Variants in ADGRF1 observed in about 807,000 individuals in gnomAD.
ADGRF1 encodes G protein-coupled receptor 110.
ADGRF1 carries 85 observed loss-of-function variants against 87.2 expected under a neutral mutation model. The ratio of observed to expected loss-of-function variants is 0.97; its 90% CI spans 0.82 to 1.17. ADGRF1 has a LOEUF of 1.17. ADGRF1 is among the 50% of genes most tolerant of loss of function. The pLI is 0.00. For missense variants in ADGRF1, 1,169 were observed against 1,077.2 expected (o/e 1.09, Z -1.19); for synonymous variants, 430 against 408.8 (o/e 1.05, Z -0.63).
intron 8 of ADGRF1, among the ~76,000 whole-genome samples, chr6:47,016,283 A>C (rs1046182769): frequency 2.0e-5 from 3 of 152,042 alleles, no homozygotes; most frequent in Admixed American, 2.0e-4. Flanking sequence ...TTGGATTGTG[A>C]CTTAGGAATA....
chr6:47,035,750 A>G (rs1780569942), intron 1 of ADGRF1, among the ~76,000 whole-genome samples: 1 of 152,210 alleles, frequency 6.6e-6, no homozygotes, highest in African/African-American at 2.4e-5. Flanking sequence ...GTTCCTTACA[A>G]ACAATTCTTT....
Position 47,009,569 on chromosome 6 carries a change from T to C in ADGRF1, c.1866A>G (p.Thr622=), listed in dbSNP as rs759717417. Residue 622 remains threonine (T), a synonymous_variant, in exon 11 of 15, where the codon ACA becomes ACG. Transcript: ENST00000371253. The part of the protein sequence containing the change: ...KQIKKSQTSH[T]RRICMVNIAL... ...CTATGTTCACCATGCAAATACGACGTGTGTGAGAGGTTTGGCTTTTTTTAA... is the reference window on the plus strand; with the variant it reads ...CTATGTTCACCATGCAAATACGACGCGTGTGAGAGGTTTGGCTTTTTTTAA... The C allele has an allele frequency of 1.9e-6, 3 of 1,613,980 alleles. No individual in the cohort carries two copies. Among genetic ancestry groups the C allele is most frequent in the African/African-American group, 1.3e-5 (1 of 74,998 alleles).
In ADGRF1 at chr6:47,014,742, G is replaced by T. The variant is rs184109803; in HGVS notation, c.866C>A (p.Ser289Tyr). Residue 289 changes from serine to tyrosine, a missense_variant, in exon 9 of 15, where the codon TCC (serine) becomes TAC (tyrosine). Coordinates refer to ENST00000371253, the MANE Select transcript of ADGRF1 (RefSeq NM_153840.4). Reference protein sequence around the residue: ...YRGNITAKCESSGWQVIRETC... With the variant: ...YRGNITAKCEYSGWQVIRETC... The stretch of plus-strand genomic sequence containing the variant: ...CTCCCTGATGACCTGCCACCCAGAG[G>T]ACTCACACTTGGCTGTGATGTTTCC... 9 of 1,613,844 alleles carry T rather than the reference G, an allele frequency of 5.6e-6. No individual in the cohort carries two copies. The East Asian group carries it at 2.0e-4, about 36-fold the overall frequency.
In ADGRF1 at chr6:47,010,285, A is replaced by C; in HGVS notation, c.1150T>G (p.Ser384Ala). The C allele has an allele frequency of 6.2e-7, 1 of 1,612,462 alleles. No individual in the cohort carries two copies. Among genetic ancestry groups the C allele is most frequent in the Non-Finnish European group, 8.5e-7 (1 of 1,179,270 alleles). Residue 384 changes from serine to alanine, a missense_variant, in exon 11 of 15, where the codon TCA becomes GCA. Physicochemically the swap from Ser to Ala is moderately conservative, Grantham distance 99. Transcript: ENST00000371253. ...ACTGTCCAGTTGGTTACTGAGGCTG[A>C]ATTAAGGATATTGTCAGCTATACTG... ...VISIADNILNSASVTNWTVLL... is the reference protein window; with the variant it reads ...VISIADNILNAASVTNWTVLL...
chr6:47,016,938 C>CAT (rs921266193), intron 7 of ADGRF1, 170 bp from the exon 8 acceptor site: 34 of 610,104 alleles, frequency 5.6e-5, no homozygotes, highest in South Asian at 6.4e-5. Flanking sequence ...ACCAAAAATA[C>CAT]ATATATATAT....
intron 13 of ADGRF1, among the ~76,000 whole-genome samples, chr6:47,005,283 G>T (rs1195567250): frequency 6.6e-6 from 1 of 152,066 alleles, no homozygotes; most frequent in Admixed American, 6.6e-5. Flanking sequence ...AAAACTTGTG[G>T]GTTTGTAGAC....
chr6:47,010,158 C>G lies in ADGRF1; in HGVS notation c.1277G>C (p.Arg426Pro), dbSNP rs115292676. 1.2e-6 allele frequency: 2 copies of G among 1,614,052 alleles called. No homozygotes were observed. Among genetic ancestry groups the G allele is most frequent in the Non-Finnish European group, 1.7e-6 (2 of 1,179,990 alleles). ...PPTALPLNFS[R>P]KFIDWKGIPV... is the part of the protein sequence containing the mutation. ...AATCCCTTTCCAGTCAATGAATTTC[C>G]GAGAAAAATTCAGAGGAAGAGCTGT... is the stretch of plus-strand genomic sequence containing the variant. The change falls in exon 11 of 15, where the codon CGG (arginine) becomes CCG (proline). Residue 426 changes from arginine (R) to proline (P), a missense_variant. By Grantham distance (103) the Arg-to-Pro change is moderately radical (BLOSUM62 -2). Coordinates refer to ENST00000371253, the MANE Select transcript of ADGRF1 (RefSeq NM_153840.4).
intron 12 of ADGRF1, 49 bp downstream of exon 12, chr6:47,007,204 G>A (rs368219104): frequency 1.0e-4 from 118 of 1,133,088 alleles, no homozygotes; most frequent in East Asian, 9.7e-5. Flanking sequence ...AGGGGAGGGG[G>A]CCTAAGATGT....
At chr6:47,027,578 T>C in intron 3 of ADGRF1, 126 bp downstream of exon 3, 1 of 640,856 alleles carries the variant, frequency 1.6e-6, no homozygotes, top group South Asian at 2.0e-5. Flanking sequence ...TCATTCTCCT[T>C]GTACATATTT....
intron 8 of ADGRF1, 51 bp from the exon 9 acceptor site, chr6:47,014,895 A>C (rs750380243): frequency 6.5e-7 from 1 of 1,536,898 alleles, no homozygotes; most frequent in Non-Finnish European, 8.8e-7. Context: ...ATATCCTGGC[A>C]CTCTATATAA....
rs1372182942 is a variant in ADGRF1 at position 47,001,450 on chromosome 6, T to A, written c.2659+51A>T. The A allele has an allele frequency of 2.8e-6, 4 of 1,417,594 alleles. No homozygotes were observed. In the African/African-American group the frequency reaches 5.7e-5, roughly 20 times the overall value. 87.8% of individuals were successfully genotyped at this position (1,417,594 alleles called of 1,614,324 possible). ...ATTGAATTTTATTCATATGATATAC[T>A]CATATACTCTTTTCACACCTTTTAT... On this transcript the variant is annotated intron_variant, in intron 14 of 14. Transcript: ENST00000371253.
At chr6:47,004,687 T>G (rs567562897) in intron 13 of ADGRF1, among the ~76,000 whole-genome samples, 1 of 152,252 alleles carries the variant, frequency 6.6e-6, no homozygotes, top group Non-Finnish European at 1.5e-5. Context: ...AATGACTCAT[T>G]AGTTTCACAA....
intron 12 of ADGRF1, 74 bp from the exon 13 acceptor site, chr6:47,005,950 G>T: frequency 3.4e-6 from 3 of 874,498 alleles, no homozygotes; most frequent in East Asian, 2.6e-5. Context: ...ACAACTGCAG[G>T]TTGAAATGGT....
intron 1 of ADGRF1, among the ~76,000 whole-genome samples, chr6:47,033,279 CAGTT>C (rs1281461039): frequency 6.6e-6 from 1 of 152,222 alleles, no homozygotes; most frequent in African/African-American, 2.4e-5. Flanking sequence ...CCCTGTCCTT[CAGTT>C]TACAGGGAAC....
At chr6:47,016,510 G>C (rs769895969) in intron 8 of ADGRF1, 107 bp downstream of exon 8, 1 of 1,283,332 alleles carries the variant, frequency 7.8e-7, no homozygotes, top group Non-Finnish European at 1.0e-6. Flanking sequence ...GGCAGTTAGA[G>C]AACAATTCGT....
chr6:47,034,408 T>A (rs1265518982), intron 1 of ADGRF1, among the ~76,000 whole-genome samples: 1 of 152,234 alleles, frequency 6.6e-6, no homozygotes, highest in Admixed American at 6.5e-5. Flanking sequence ...GCTAAGAACC[T>A]ACTAAGAATT....
At chr6:47,007,598 C>T (rs976487298) in intron 11 of ADGRF1, among the ~76,000 whole-genome samples, 1 of 152,200 alleles carries the variant, frequency 6.6e-6, no homozygotes, top group African/African-American at 2.4e-5. Flanking sequence ...AAATAGCATC[C>T]TTTTTTGTCT....
intron 7 of ADGRF1, chr6:47,020,340 A>G: frequency 1.1e-6 from 1 of 894,338 alleles, no homozygotes; most frequent in Non-Finnish European, 1.6e-6. Flanking sequence ...TAAAAATACA[A>G]AAAAAGTTAG....
At chr6:47,023,402 C>G (rs1458170752) in intron 5 of ADGRF1, among the ~76,000 whole-genome samples, 1 of 152,202 alleles carries the variant, frequency 6.6e-6, no homozygotes, top group East Asian at 1.9e-4. Context: ...ATATCTGGGG[C>G]TTCCAGTTAA....
Sources: gnomAD v4.1 joint callset for allele counts (sites outside exome capture counted in the v4.1 genomes callset) on GRCh38, gnomAD v4.1.1 for gene constraint, MANE v1.5 for transcripts, NCBI Gene and HGNC (gene_info 2026-07-23, HGNC 2026-07-21) for gene names.